The following CERS6 variants were observed in gnomAD, a reference collection of about 807,000 sequenced individuals.
CERS6 encodes LAG1 homolog, ceramide synthase 6.
Under a neutral mutation model 56.8 loss-of-function variants are expected in CERS6, and 26 were observed. The observed-to-expected ratio is 0.46, with a 90% CI of 0.34 to 0.63. The LOEUF (loss-of-function observed/expected upper bound fraction) is 0.63. Ranked by LOEUF, CERS6 falls within the 30% of genes least tolerant of loss-of-function variation. The probability of loss-of-function intolerance (pLI) is 0.01; values close to 1 mark genes in which losing one functional copy is unlikely to be tolerated. For missense variants in CERS6, 415 were observed against 467.5 expected, an observed-to-expected ratio of 0.89 and a Z score of 1.04; for synonymous variants, 164 against 173.3, an observed-to-expected ratio of 0.95 and a Z score of 0.42.
At chr2:168,480,151 G>A (rs1485150448) in intron 1 of CERS6, among the ~76,000 whole-genome samples, 1 of 152,176 alleles carries the variant, frequency 6.6e-6, no homozygotes, top group Non-Finnish European at 1.5e-5. Context: ...CTTTAAACTT[G>A]TGAGAGAAAT....
chr2:168,774,518 A>G lies in CERS6; in HGVS notation c.*4856A>G, dbSNP rs1684950913. The G allele has an allele frequency of 6.6e-6, 1 of 152,160 alleles. No individual in the cohort carries two copies. Among genetic ancestry groups the G allele is most frequent in the African/African-American group, 2.4e-5 (1 of 41,438 alleles). The allele number at this position is 152,160 out of a possible 1,614,324, so 9.4% of individuals were successfully genotyped here. A position where few individuals can be genotyped will look rare whatever the true frequency, so the allele number is the denominator to read the frequency against. Reference sequence around the variant, plus strand: ...GTGGCCTGGAAACCAGGGAGCAGCAACTATTGAGATGGTTTCTGTGTTCAG... The same window carrying G: ...GTGGCCTGGAAACCAGGGAGCAGCAGCTATTGAGATGGTTTCTGTGTTCAG... On this transcript the variant is annotated 3_prime_UTR_variant, in exon 10 of 10. Transcript: ENST00000305747.
At chr2:168,481,599 C>T (rs940632579) in intron 1 of CERS6, among the ~76,000 whole-genome samples, 6 of 152,186 alleles carry the variant, frequency 3.9e-5, no homozygotes, top group African/African-American at 9.7e-5. Flanking sequence ...ATTCCTGACC[C>T]GTCTTCATTA....
intron 4 of CERS6, among the ~76,000 whole-genome samples, chr2:168,672,269 A>G (rs1320869262): frequency 6.6e-6 from 1 of 152,208 alleles, no homozygotes; most frequent in Non-Finnish European, 1.5e-5. Context: ...TTTCTAGTAC[A>G]GTAATAATCT....
chr2:168,611,581 A>T (rs1284373004), intron 3 of CERS6, among the ~76,000 whole-genome samples: 1 of 152,222 alleles, frequency 6.6e-6, no homozygotes, highest in Non-Finnish European at 1.5e-5. Context: ...TCCGTGTATC[A>T]TGTCTTATTT....
chr2:168,691,999 C>T (rs1268110376), intron 5 of CERS6, among the ~76,000 whole-genome samples: 1 of 152,140 alleles, frequency 6.6e-6, no homozygotes, highest in African/African-American at 2.4e-5. Flanking sequence ...CTTTGTTACA[C>T]CTAGTGTCAT....
rs1206512903 is a variant in CERS6 at position 168,772,523 on chromosome 2, T to G, written c.*2861T>G. On this transcript the variant is annotated 3_prime_UTR_variant, in exon 10 of 10. Coordinates refer to ENST00000305747, the MANE Select transcript of CERS6 (RefSeq NM_203463.3). ...CCCACTCACCAGGTACAATAGAAACTTCCCTCCTTGTTTGTCAGCCTCCTG... is the reference window on the plus strand; with the variant it reads ...CCCACTCACCAGGTACAATAGAAACGTCCCTCCTTGTTTGTCAGCCTCCTG... 1 of 152,636 alleles carries G rather than the reference T, an allele frequency of 6.6e-6. No individual in the cohort carries two copies. Among genetic ancestry groups the G allele is most frequent in the Non-Finnish European group, 1.5e-5 (1 of 68,040 alleles). 9.5% of individuals were successfully genotyped at this position (152,636 alleles called of 1,614,324 possible).
chr2:168,655,115 G>T (rs762475346), intron 4 of CERS6, among the ~76,000 whole-genome samples: 32 of 152,094 alleles, frequency 2.1e-4, no homozygotes, highest in Non-Finnish European at 4.1e-4. Flanking sequence ...CATAAAAATG[G>T]CCAACCGACA....
intron 8 of CERS6, among the ~76,000 whole-genome samples, chr2:168,735,766 C>A (rs1327653053): frequency 6.6e-6 from 1 of 150,954 alleles, no homozygotes; most frequent in Admixed American, 6.6e-5. Flanking sequence ...CCTGTAGTCC[C>A]TGCTACTTGG....
chr2:168,656,002 G>A (rs545582572), intron 4 of CERS6, among the ~76,000 whole-genome samples: 4 of 152,214 alleles, frequency 2.6e-5, no homozygotes, highest in South Asian at 2.1e-4. Context: ...ATAAACTTAC[G>A]AAAAATAAAT....
At chr2:168,738,120 C>T (rs192808183) in intron 8 of CERS6, among the ~76,000 whole-genome samples, 1 of 152,328 alleles carries the variant, frequency 6.6e-6, no homozygotes, top group Admixed American at 6.5e-5. Flanking sequence ...AAAGGTTACA[C>T]ACTTAAGTGA....
chr2:168,716,975 A>T (rs1459664677), intron 7 of CERS6, among the ~76,000 whole-genome samples: 1 of 152,206 alleles, frequency 6.6e-6, no homozygotes, highest in Non-Finnish European at 1.5e-5. Flanking sequence ...AGAAGGCATC[A>T]TGAATTTATA....
rs35372610 is a variant in CERS6, at chr2:168,464,174, T to TTGTGTGTGTGTGTG, written c.170+7581_170+7594dup. On this transcript the variant is annotated intron_variant, in intron 1 of 9. Transcript: ENST00000305747. ...TTCTCTGGTCACATATTTATACTTT[T>TTGTGTGTGTGTGTG]TGTGTGTGTGTGTGTGTGTGTGTGT... 8.4e-3 allele frequency among the ~76,000 whole-genome samples: 1,179 copies of TTGTGTGTGTGTGTG among 139,746 alleles called. 18 individuals are homozygous for TTGTGTGTGTGTGTG. The highest frequency in any genetic ancestry group is 0.022 in the African/African-American group (822 of 37,062). 91.7% of individuals were successfully genotyped at this position (139,746 alleles called of 152,430 possible).
chr2:168,575,088 T>C (rs1683226397), intron 3 of CERS6, among the ~76,000 whole-genome samples: 1 of 152,194 alleles, frequency 6.6e-6, no homozygotes, highest in Non-Finnish European at 1.5e-5. Flanking sequence ...AGGACAGCTC[T>C]GACTGCCAGC....
intron 3 of CERS6, among the ~76,000 whole-genome samples, chr2:168,607,066 C>A (rs1173209624): frequency 2.6e-5 from 4 of 152,104 alleles, no homozygotes; most frequent in Non-Finnish European, 4.4e-5. Flanking sequence ...TCAGTCATTT[C>A]TTTATAGCAA....
chr2:168,580,724 A>G (rs1683387897), intron 3 of CERS6, among the ~76,000 whole-genome samples: 1 of 152,050 alleles, frequency 6.6e-6, no homozygotes, highest in Non-Finnish European at 1.5e-5. Context: ...GTTGTCTGAA[A>G]ATGAGTTTAT....
At chr2:168,480,240 A>G (rs974304408) in intron 1 of CERS6, among the ~76,000 whole-genome samples, 25 of 152,238 alleles carry the variant, frequency 1.6e-4, no homozygotes, top group Admixed American at 1.3e-3. Context: ...GAGTAAAAGT[A>G]TAGGGAGTCT....
intron 1 of CERS6, among the ~76,000 whole-genome samples, chr2:168,464,894 C>T (rs192824632): frequency 2.6e-5 from 4 of 152,268 alleles, no homozygotes; most frequent in Admixed American, 2.0e-4. Flanking sequence ...CAGAATAACA[C>T]GTGTTGGCTA....
chr2:168,495,999 A>G (rs1379478247), intron 1 of CERS6, among the ~76,000 whole-genome samples: 2 of 152,226 alleles, frequency 1.3e-5, no homozygotes, highest in Non-Finnish European at 1.5e-5. Context: ...TGCAGTTACA[A>G]GCACATGCAC....
chr2:168,767,129 A>C (rs1379103541), intron 9 of CERS6, among the ~76,000 whole-genome samples: 2 of 152,218 alleles, frequency 1.3e-5, no homozygotes, highest in African/African-American at 4.8e-5. Flanking sequence ...TATTTCTACC[A>C]GACTTGTTGC....
Sources: allele counts gnomAD v4.1 joint callset (sites outside exome capture counted in the v4.1 genomes callset), GRCh38; gene constraint gnomAD v4.1.1; transcripts MANE v1.5; gene names NCBI Gene and HGNC (gene_info 2026-07-23, HGNC 2026-07-21).